The following FOXL1 variants were observed in gnomAD, a reference collection of about 807,000 sequenced individuals.
FOXL1 encodes the protein forkhead box L1.
FOXL1 carries 2 observed loss-of-function variants against 1.7 expected under a neutral mutation model. The ratio of observed to expected loss-of-function variants is 1.21; its 90% CI spans 0.49 to 3.80. FOXL1 has a LOEUF of 3.80. FOXL1 is among the 30% of genes most tolerant of loss of function. The pLI is 0.07. For synonymous variants in FOXL1, 280 were observed against 229.3 expected (o/e 1.22, Z -2.00); for missense variants, 565 against 495.8 (o/e 1.14, Z -1.32).
At position 86,580,699 on chromosome 16, in the gene FOXL1, A is replaced by G. The variant is rs1024215943; in HGVS notation, c.*938A>G. ...ATACCATGAGGAAGGGTGTGAGGGG[A>G]AGGGGATATGCCTTGGACAATGTCA... On this transcript the variant is annotated 3_prime_UTR_variant, in exon 1 of 1. Transcript: ENST00000320241. 20 of 166,998 alleles carry G rather than the reference A, an allele frequency of 1.2e-4. No individual in the cohort carries two copies. Among genetic ancestry groups the G allele is most frequent in the Admixed American group, 6.5e-5 (1 of 15,292 alleles). The allele number at this position is 166,998 out of a possible 1,614,324, so 10.3% of individuals were successfully genotyped here.
chr16:86,578,680 G>C lies in FOXL1; in HGVS notation c.-44G>C. ...CGGGGCGCAGTGCCTAGGCCGCCCG[G>C]GTCTCCTGCGTTGCGGGGAGCGCAG... On this transcript the variant is annotated 5_prime_UTR_variant, in exon 1 of 1. Transcript: ENST00000320241. 1.9e-6 allele frequency: 3 copies of C among 1,539,150 alleles called. No individual in the cohort carries two copies. The highest frequency in any genetic ancestry group is 2.6e-6 in the Non-Finnish European group (3 of 1,140,382).
rs1456953140 is a variant in FOXL1, at chr16:86,579,307, C to T, written c.584C>T (p.Pro195Leu). 2.1e-6 allele frequency: 3 copies of T among 1,431,694 alleles called. No homozygotes were observed. The highest frequency in any genetic ancestry group is 2.7e-6 in the Non-Finnish European group (3 of 1,099,098). The allele number at this position is 1,431,694 out of a possible 1,614,324, so 88.7% of individuals were successfully genotyped here. A position where few individuals can be genotyped will look rare whatever the true frequency, so the allele number is the denominator to read the frequency against. Residue 195 changes from proline to leucine, a missense_variant, in exon 1 of 1, where the codon CCC becomes CTC. Physicochemically the swap from Pro to Leu is moderately conservative, Grantham distance 98. Coordinates refer to ENST00000320241, the MANE Select transcript of FOXL1 (RefSeq NM_005250.3). ...RLQAAPAGPS[P>L]LLDGPSPPAP... is the part of the protein sequence containing the mutation. ...CAGGCAGCGCCCGCGGGCCCCTCGC[C>T]CCTCCTGGACGGCCCCTCTCCGCCG...
In FOXL1 at chr16:86,579,870, C is replaced by T; in HGVS notation, c.*109C>T. The T allele has an allele frequency of 1.8e-6, 2 of 1,137,166 alleles. No individual in the cohort carries two copies. The highest frequency in any genetic ancestry group is 2.5e-6 in the Non-Finnish European group (2 of 791,006). The allele number at this position is 1,137,166 out of a possible 1,614,324, so 70.4% of individuals were successfully genotyped here. ...TTAAAATGATCTTTGCCTGGGTCGGCCTGTGGGTTCAGGGAAGTGTTACCA... is the reference window on the plus strand; with the variant it reads ...TTAAAATGATCTTTGCCTGGGTCGGTCTGTGGGTTCAGGGAAGTGTTACCA... On this transcript the variant is annotated 3_prime_UTR_variant, in exon 1 of 1. Coordinates refer to ENST00000320241, the MANE Select transcript of FOXL1 (RefSeq NM_005250.3).
rs978745863 is a variant in FOXL1, at chr16:86,582,256, A to C, written c.*2495A>C. ...ATGTGTATTCCTTCCTCCTGAACCA[A>C]AAAGAGGAGGTTTGGGTCTTACCAA... is the stretch of plus-strand genomic sequence containing the variant. On this transcript the variant is annotated 3_prime_UTR_variant, in exon 1 of 1. Coordinates refer to ENST00000320241, the MANE Select transcript of FOXL1 (RefSeq NM_005250.3). 11 of 152,178 alleles carry C rather than the reference A, an allele frequency of 7.2e-5. No homozygotes were observed. Among genetic ancestry groups the C allele is most frequent in the African/African-American group, 2.7e-4 (11 of 41,430 alleles). The allele number at this position is 152,178 out of a possible 1,614,324, so 9.4% of individuals were successfully genotyped here.
rs1386395158 is a variant in FOXL1 at position 86,578,681 on chromosome 16, G to A, written c.-43G>A. The A allele has an allele frequency of 6.5e-7, 1 of 1,539,962 alleles. No homozygotes were observed. The highest frequency in any genetic ancestry group is 8.8e-7 in the Non-Finnish European group (1 of 1,140,736). On this transcript the variant is annotated 5_prime_UTR_variant, in exon 1 of 1. Transcript: ENST00000320241. The stretch of plus-strand genomic sequence containing the variant: ...GGGGCGCAGTGCCTAGGCCGCCCGG[G>A]TCTCCTGCGTTGCGGGGAGCGCAGC...
At position 86,579,662 on chromosome 16, in the gene FOXL1, G is replaced by A; in HGVS notation, c.939G>A (p.Met313Ile). 6.2e-7 allele frequency: 1 copy of A among 1,613,846 alleles called. No individual in the cohort carries two copies. The highest frequency in any genetic ancestry group is 8.5e-7 in the Non-Finnish European group (1 of 1,180,002). Residue 313 changes from methionine (M) to isoleucine (I), a missense_variant, in exon 1 of 1, where the codon ATG becomes ATA. Coordinates refer to ENST00000320241, the MANE Select transcript of FOXL1 (RefSeq NM_005250.3). ...SLRPPFNASL[M>I]LDPHVQGGFY... ...GTCCGCCTTTCAACGCTTCCCTGAT[G>A]CTCGACCCGCATGTCCAGGGCGGCT...
chr16:86,581,326 T>C lies in FOXL1; in HGVS notation c.*1565T>C, dbSNP rs555919840. On this transcript the variant is annotated 3_prime_UTR_variant, in exon 1 of 1. Transcript: ENST00000320241. ...GAGGTCTTTAAGATCGCTTTTAAAA[T>C]AGTTTCCAGGACTTGTCTAAAAATG... is the stretch of plus-strand genomic sequence containing the variant. The C allele has an allele frequency of 2.4e-5, 4 of 167,244 alleles. No individual in the cohort carries two copies. The South Asian group carries it at 8.3e-4, about 35-fold the overall frequency. 10.4% of individuals were successfully genotyped at this position (167,244 alleles called of 1,614,324 possible). A position where few individuals can be genotyped will look rare whatever the true frequency, so the allele number is the denominator to read the frequency against.
In FOXL1 at chr16:86,582,392, G is replaced by A. The variant is rs1974424568; in HGVS notation, c.*2631G>A. Among the ~76,000 whole-genome samples, 1 of 152,132 alleles carries A rather than the reference G, an allele frequency of 6.6e-6. No homozygotes were observed. Among genetic ancestry groups the A allele is most frequent in the Non-Finnish European group, 1.5e-5 (1 of 68,032 alleles). On this transcript the variant is annotated 3_prime_UTR_variant, in exon 1 of 1. Coordinates refer to ENST00000320241, the MANE Select transcript of FOXL1 (RefSeq NM_005250.3). ...AAACAAAATCTCAGCTATAATTAGG[G>A]TGAGCCAGAAGCAAGCTTATCATTG...
Position 86,578,887 on chromosome 16 carries a change from T to G in FOXL1, c.164T>G (p.Ile55Ser). 6.2e-7 allele frequency: 1 copy of G among 1,614,096 alleles called. No individual in the cohort carries two copies. Among genetic ancestry groups the G allele is most frequent in the Non-Finnish European group, 8.5e-7 (1 of 1,179,984 alleles). The change falls in exon 1 of 1, where the codon ATC (isoleucine) becomes AGC (serine). Residue 55 changes from isoleucine to serine, a missense_variant. Physicochemically the swap from Ile to Ser is moderately radical, Grantham distance 142 (BLOSUM62 -2). Transcript: ENST00000320241. ...CCGCAGAAGCCTCCCTACAGCTACATCGCGCTCATCGCCATGGCGATCCAG... is the reference window on the plus strand; with the variant it reads ...CCGCAGAAGCCTCCCTACAGCTACAGCGCGCTCATCGCCATGGCGATCCAG... ...ETPQKPPYSY[I>S]ALIAMAIQDA... is the part of the protein sequence containing the mutation.
In FOXL1 at chr16:86,579,174, G is replaced by A. The variant is rs374413539; in HGVS notation, c.451G>A (p.Ala151Thr). 229 of 1,606,132 alleles carry A rather than the reference G, an allele frequency of 1.4e-4. No homozygotes were observed. Among genetic ancestry groups the A allele is most frequent in the Non-Finnish European group, 1.9e-4 (224 of 1,177,040 alleles). ...GAGGAAGCCCAAGCCGGGCCCCGGG[G>A]CCCCGGAGGCCAAGAGGCCCCGCGC... ...RKRKPKPGPGAPEAKRPRAET... is the reference protein window; with the variant it reads ...RKRKPKPGPGTPEAKRPRAET... The change falls in exon 1 of 1, where the codon GCC becomes ACC. Residue 151 changes from alanine (A) to threonine (T), a missense_variant. By Grantham distance (58) the Ala-to-Thr change is moderately conservative. Transcript: ENST00000320241.
At position 86,583,161 on chromosome 16, in the gene FOXL1, A is replaced by G. The variant is rs1974433019; in HGVS notation, c.*3400A>G. ...AATGGTGGTCTTCACCATTTCACTC[A>G]AAGTGGTGAGTGTATGCCCGTGTGT... On this transcript the variant is annotated 3_prime_UTR_variant, in exon 1 of 1. Coordinates refer to ENST00000320241, the MANE Select transcript of FOXL1 (RefSeq NM_005250.3). Among the ~76,000 whole-genome samples the G allele has an allele frequency of 6.6e-6, 1 of 151,772 alleles. No homozygotes were observed. Among genetic ancestry groups the G allele is most frequent in the Non-Finnish European group, 1.5e-5 (1 of 67,992 alleles).
At position 86,582,795 on chromosome 16, in the gene FOXL1, T is replaced by G. The variant is rs1029239461; in HGVS notation, c.*3034T>G. ...ATTGATACTATTTGAAAGATTTTGTTTTTCTATATAGTTTTTAAAAATAGA... is the reference window on the plus strand; with the variant it reads ...ATTGATACTATTTGAAAGATTTTGTGTTTCTATATAGTTTTTAAAAATAGA... On this transcript the variant is annotated 3_prime_UTR_variant, in exon 1 of 1. Transcript: ENST00000320241. Among the ~76,000 whole-genome samples the G allele has an allele frequency of 3.9e-5, 6 of 152,120 alleles. No homozygotes were observed. Among genetic ancestry groups the G allele is most frequent in the African/African-American group, 1.4e-4 (6 of 41,406 alleles).
Position 86,579,657 on chromosome 16 carries a change from C to G in FOXL1, c.934C>G (p.Leu312Val). 1 of 1,613,904 alleles carries G rather than the reference C, an allele frequency of 6.2e-7. No homozygotes were observed. Among genetic ancestry groups the G allele is most frequent in the South Asian group, 1.1e-5 (1 of 91,086 alleles). The change falls in exon 1 of 1, where the codon CTG becomes GTG. Residue 312 changes from leucine to valine, a missense_variant. Coordinates refer to ENST00000320241, the MANE Select transcript of FOXL1 (RefSeq NM_005250.3). ...SSLRPPFNAS[L>V]MLDPHVQGGF... ...CCTCCGTCCGCCTTTCAACGCTTCC[C>G]TGATGCTCGACCCGCATGTCCAGGG...
chr16:86,578,829 G>T lies in FOXL1; in HGVS notation c.106G>T (p.Ala36Ser). 1 of 1,613,664 alleles carries T rather than the reference G, an allele frequency of 6.2e-7. No individual in the cohort carries two copies. Among genetic ancestry groups the T allele is most frequent in the Non-Finnish European group, 8.5e-7 (1 of 1,179,954 alleles). ...CCTCCCTCTGGCCTTCGCCCCCGCG[G>T]CTGCTCTAGCTGCCTCGGGCCGGGC... Reference protein sequence around the residue: ...PGLPLAFAPAAALAASGRAET... With the variant: ...PGLPLAFAPASALAASGRAET... The change falls in exon 1 of 1, where the codon GCT becomes TCT. Residue 36 changes from alanine (A) to serine (S), a missense_variant. By Grantham distance (99) the Ala-to-Ser change is moderately conservative. Transcript: ENST00000320241.
In FOXL1 at chr16:86,579,424, C is replaced by G; in HGVS notation, c.701C>G (p.Ala234Gly). ...GAAAVAVGQA[A>G]RTGDGPGSPL... Reference sequence around the variant, plus strand: ...GCGGCCGTGGCGGTCGGCCAGGCAGCGCGCACAGGGGACGGCCCGGGGTCC... The same window carrying G: ...GCGGCCGTGGCGGTCGGCCAGGCAGGGCGCACAGGGGACGGCCCGGGGTCC... The change falls in exon 1 of 1, where the codon GCG (alanine) becomes GGG (glycine). Residue 234 changes from alanine (A) to glycine (G), a missense_variant. By Grantham distance (60) the Ala-to-Gly change is moderately conservative (BLOSUM62 0). Coordinates refer to ENST00000320241, the MANE Select transcript of FOXL1 (RefSeq NM_005250.3). The G allele has an allele frequency of 1.3e-6, 2 of 1,538,994 alleles. No homozygotes were observed. Among genetic ancestry groups the G allele is most frequent in the Non-Finnish European group, 1.7e-6 (2 of 1,143,652 alleles).
rs1974377210 is a variant in FOXL1 at position 86,579,161 on chromosome 16, G to C, written c.438G>C (p.Lys146Asn). 1 of 1,610,494 alleles carries C rather than the reference G, an allele frequency of 6.2e-7. No homozygotes were observed. The highest frequency in any genetic ancestry group is 1.3e-5 in the African/African-American group (1 of 74,992). The change falls in exon 1 of 1, where the codon AAG becomes AAC. Residue 146 changes from lysine (K) to asparagine (N), a missense_variant. By Grantham distance (94) the Lys-to-Asn change is moderately conservative. Coordinates refer to ENST00000320241, the MANE Select transcript of FOXL1 (RefSeq NM_005250.3). ...GNYRRRKRKP[K>N]PGPGAPEAKR... is the part of the protein sequence containing the mutation. ...ACCGGCGCCGGAAGAGGAAGCCCAA[G>C]CCGGGCCCCGGGGCCCCGGAGGCCA...
rs1338845749 is a variant in FOXL1, at chr16:86,580,232, G to C, written c.*471G>C. 1 of 172,420 alleles carries C rather than the reference G, an allele frequency of 5.8e-6. No homozygotes were observed. The highest frequency in any genetic ancestry group is 1.4e-5 in the Non-Finnish European group (1 of 71,136). 10.7% of individuals were successfully genotyped at this position (172,420 alleles called of 1,614,324 possible). On this transcript the variant is annotated 3_prime_UTR_variant, in exon 1 of 1. Coordinates refer to ENST00000320241, the MANE Select transcript of FOXL1 (RefSeq NM_005250.3). Reference sequence around the variant, plus strand: ...CTGTTGCCGTGTGGCTCAGGCCTTGGTTTTGAGCCCATCTGGGTGGTGGGT... The same window carrying C: ...CTGTTGCCGTGTGGCTCAGGCCTTGCTTTTGAGCCCATCTGGGTGGTGGGT...
At position 86,579,985 on chromosome 16, in the gene FOXL1, C is replaced by A; in HGVS notation, c.*224C>A. 1.7e-6 allele frequency: 1 copy of A among 597,508 alleles called. No homozygotes were observed. The highest frequency in any genetic ancestry group is 3.1e-6 in the Non-Finnish European group (1 of 327,510). 37.0% of individuals were successfully genotyped at this position (597,508 alleles called of 1,614,324 possible). A position where few individuals can be genotyped will look rare whatever the true frequency, so the allele number is the denominator to read the frequency against. ...GAGCAGCTACGGAGACTTAAAAGAT[C>A]CCCGCGGGGTCGTGGGCACCGCACG... On this transcript the variant is annotated 3_prime_UTR_variant, in exon 1 of 1. Transcript: ENST00000320241.
At position 86,578,576 on chromosome 16, in the gene FOXL1, C is replaced by T; in HGVS notation, c.-148C>T. The stretch of plus-strand genomic sequence containing the variant: ...CATTTTTAAAGCCATGAAGAAGGGA[C>T]AGAGCACGGAGCGGCCGGGGAGAGC... On this transcript the variant is annotated 5_prime_UTR_variant, in exon 1 of 1. The change creates a premature stop within an existing upstream ORF in the 5' untranslated region. Coordinates refer to ENST00000320241, the MANE Select transcript of FOXL1 (RefSeq NM_005250.3). 1 of 627,150 alleles carries T rather than the reference C, an allele frequency of 1.6e-6. No homozygotes were observed. Among genetic ancestry groups the T allele is most frequent in the South Asian group, 2.0e-5 (1 of 50,404 alleles). 38.8% of individuals were successfully genotyped at this position (627,150 alleles called of 1,614,324 possible). A position where few individuals can be genotyped will look rare whatever the true frequency, so the allele number is the denominator to read the frequency against.
Sources: gnomAD v4.1 joint callset for allele counts (sites outside exome capture counted in the v4.1 genomes callset) on GRCh38, gnomAD v4.1.1 for gene constraint, MANE v1.5 for transcripts, NCBI Gene and HGNC (gene_info 2026-07-23, HGNC 2026-07-21) for gene names.